Variants in STXBP5 observed in about 807,000 individuals in gnomAD.
The protein encoded by STXBP5 is syntaxin binding protein 5.
In STXBP5, 50 loss-of-function variants were observed where a neutral mutation model predicts 152.4. The ratio of observed to expected loss-of-function variants is 0.33; its 90% confidence interval spans 0.26 to 0.42. STXBP5 has a LOEUF of 0.42. Among genes scored for constraint, STXBP5 ranks in the 10% least tolerant of loss-of-function variants. The pLI, the probability that STXBP5 is intolerant of heterozygous loss-of-function variation, is 1.00. For missense variants in STXBP5, 1,167 were observed against 1,388.6 expected (o/e 0.84, Z 2.54); for synonymous variants, 492 against 494.7 (o/e 0.99, Z 0.07).
At chr6:147,379,850 A>G (rs183293509) in intron 26 of STXBP5, among the ~76,000 whole-genome samples, 4 of 152,296 alleles carry the variant, frequency 2.6e-5, no homozygotes, top group Admixed American at 2.0e-4. Flanking sequence ...ACAGGCAATG[A>G]ATAATTCAAA....
In STXBP5 at chr6:147,216,518, T is replaced by C. The variant is rs80250288; in HGVS notation, c.248+10450T>C. Among the ~76,000 whole-genome samples the C allele has an allele frequency of 2.5e-3, 385 of 152,296 alleles. 2 individuals are homozygous for C. The highest frequency in any genetic ancestry group is 8.3e-3 in the African/African-American group (343 of 41,556). ...GGAAAGAACATATATGGTAATTTCA[T>C]TGGAAACTGAAATTTTATCTACTTT... is the stretch of plus-strand genomic sequence containing the variant. On this transcript the variant is annotated intron_variant, in intron 2 of 27. Coordinates refer to ENST00000321680, the MANE Select transcript of STXBP5 (RefSeq NM_001127715.4).
rs1200214269 is a variant in STXBP5, at chr6:147,325,055, C to T, written c.1899C>T (p.Thr633=). The T allele has an allele frequency of 1.3e-5, 21 of 1,573,070 alleles. No individual in the cohort carries two copies. Among genetic ancestry groups the T allele is most frequent in the African/African-American group, 2.7e-5 (2 of 73,482 alleles). The change falls in exon 17 of 28, where the codon ACC becomes ACT. Residue 633 remains threonine (T), a synonymous_variant. Transcript: ENST00000321680. ...GTGGAGAACCACCACAACAAATAAC[C>T]AGCCTGGCAGTCAATTCTTCCTATG... The part of the protein sequence containing the change: ...WVGGEPPQQI[T]SLAVNSSYGL...
At chr6:147,207,553 G>C (rs1171206230) in intron 2 of STXBP5, among the ~76,000 whole-genome samples, 1 of 152,144 alleles carries the variant, frequency 6.6e-6, no homozygotes, top group Non-Finnish European at 1.5e-5. Flanking sequence ...GTTTAGGGTT[G>C]TGTGAAGACG....
At chr6:147,233,350 T>G (rs1030710845) in intron 2 of STXBP5, among the ~76,000 whole-genome samples, 1 of 151,812 alleles carries the variant, frequency 6.6e-6, no homozygotes, top group African/African-American at 2.4e-5. Context: ...TATACCTGGA[T>G]AGTCATAGCT....
chr6:147,224,385 C>T (rs1334348115), intron 2 of STXBP5, among the ~76,000 whole-genome samples: 1 of 152,182 alleles, frequency 6.6e-6, no homozygotes, highest in Admixed American at 6.5e-5. Context: ...TGTGATTGCA[C>T]CACTGAACTC....
intron 4 of STXBP5, among the ~76,000 whole-genome samples, chr6:147,241,275 C>T (rs546157003): frequency 7.2e-5 from 11 of 152,158 alleles, no homozygotes; most frequent in South Asian, 4.1e-4. Context: ...AGTTAATGAA[C>T]GAAAATTGAT....
At chr6:147,233,056 C>T (rs564017080) in intron 2 of STXBP5, among the ~76,000 whole-genome samples, 1 of 151,774 alleles carries the variant, frequency 6.6e-6, no homozygotes, top group South Asian at 2.1e-4. Flanking sequence ...TTCTGTATTC[C>T]CAATCTGTTT....
intron 4 of STXBP5, among the ~76,000 whole-genome samples, chr6:147,245,255 T>C (rs1026117422): frequency 2.0e-5 from 3 of 152,004 alleles, no homozygotes; most frequent in African/African-American, 7.3e-5. Context: ...CAGCACACAA[T>C]TCAGCTGTAA....
At chr6:147,295,740 T>C (rs1046321340) in intron 9 of STXBP5, among the ~76,000 whole-genome samples, 5 of 152,180 alleles carry the variant, frequency 3.3e-5, no homozygotes, top group Non-Finnish European at 2.9e-5. Flanking sequence ...AATTCTACAG[T>C]ACTCATAGGC....
intron 22 of STXBP5, among the ~76,000 whole-genome samples, chr6:147,357,826 G>A (rs1260016529): frequency 6.6e-6 from 1 of 152,042 alleles, no homozygotes; most frequent in East Asian, 1.9e-4. Context: ...AGTGCCATTC[G>A]AAGAATTTAC....
chr6:147,321,604 G>A (rs112907357), intron 16 of STXBP5, among the ~76,000 whole-genome samples: 52 of 152,058 alleles, frequency 3.4e-4, no homozygotes, highest in Non-Finnish European at 6.9e-4. Context: ...AAAGGCAGCC[G>A]TTTGACTTGT....
intron 4 of STXBP5, among the ~76,000 whole-genome samples, chr6:147,258,926 C>G (rs761694144): frequency 6.6e-6 from 1 of 152,020 alleles, no homozygotes; most frequent in African/African-American, 2.4e-5. Context: ...TTTTTTCACT[C>G]TTCTGTTCCT....
chr6:147,310,383 T>G, intron 10 of STXBP5, 145 bp downstream of exon 10: 1 of 588,820 alleles, frequency 1.7e-6, no homozygotes, highest in Non-Finnish European at 2.5e-6. Context: ...ATCTACAAAC[T>G]TTATTTCAGA....
At chr6:147,358,326 C>T (rs1391681556) in intron 22 of STXBP5, among the ~76,000 whole-genome samples, 4 of 151,992 alleles carry the variant, frequency 2.6e-5, no homozygotes, top group African/African-American at 7.2e-5. Context: ...CTCTACCAGT[C>T]ATGGATTGTA....
At chr6:147,288,304 C>A (rs928485867) in intron 8 of STXBP5, among the ~76,000 whole-genome samples, 1 of 152,152 alleles carries the variant, frequency 6.6e-6, no homozygotes, top group Non-Finnish European at 1.5e-5. Context: ...GTTGATTGTG[C>A]TGTAGCAAAA....
At chr6:147,256,948 A>G (rs1779398415) in intron 4 of STXBP5, among the ~76,000 whole-genome samples, 1 of 152,136 alleles carries the variant, frequency 6.6e-6, no homozygotes. Flanking sequence ...AAAATTGGTA[A>G]TAATAAAATC....
At chr6:147,280,735 G>A (rs1170544976) in intron 8 of STXBP5, among the ~76,000 whole-genome samples, 2 of 152,000 alleles carry the variant, frequency 1.3e-5, no homozygotes, top group Non-Finnish European at 2.9e-5. Context: ...TTTCTACAGT[G>A]TTTATATTGT....
Position 147,313,967 on chromosome 6 carries a change from T to C in STXBP5, c.1229T>C (p.Val410Ala). 6.2e-7 allele frequency: 1 copy of C among 1,605,578 alleles called. No individual in the cohort carries two copies. Among genetic ancestry groups the C allele is most frequent in the Non-Finnish European group, 8.5e-7 (1 of 1,174,372 alleles). Residue 410 changes from valine (V) to alanine (A), a missense_variant, in exon 12 of 28, where the codon GTG (valine) becomes GCG (alanine). Val to Ala is a moderately conservative substitution (Grantham distance 64). This residue lies in a region of STXBP5 where 833 missense variants were observed against 986.3 expected (regional missense o/e 0.84). Transcript: ENST00000321680. Reference protein sequence around the residue: ...TCCEYFADCPVDLIPALYSVG... With the variant: ...TCCEYFADCPADLIPALYSVG... ...TGCGAATATTTTGCGGATTGTCCTG[T>C]GGACCTTATTCCTGCACTTTATTCT...
chr6:147,218,484 T>C (rs142352824), intron 2 of STXBP5, among the ~76,000 whole-genome samples: 1 of 151,062 alleles, frequency 6.6e-6, no homozygotes, highest in African/African-American at 2.4e-5. Flanking sequence ...TGTTTTTTGG[T>C]TTTTTTTTCT....
Sources: gnomAD v4.1 joint callset for allele counts (sites outside exome capture counted in the v4.1 genomes callset) on GRCh38, gnomAD v4.1.1 for gene constraint, gnomAD v4.1.1 regional missense constraint, MANE v1.5 for transcripts, NCBI Gene and HGNC (gene_info 2026-07-23, HGNC 2026-07-21) for gene names.